The following KIF26A variants were observed in gnomAD, a reference collection of about 807,000 sequenced individuals.
The protein encoded by KIF26A is kinesin-like protein KIF26A.
A neutral mutation model predicts 126.0 loss-of-function variants in KIF26A; 74 were observed. That is an observed-to-expected ratio of 0.59 (90% CI 0.49 to 0.71). The LOEUF (loss-of-function observed/expected upper bound fraction) is 0.71. KIF26A is among the 30% of genes least tolerant of loss of function. The pLI, the probability that KIF26A is intolerant of heterozygous loss-of-function variation, is 0.00. For missense variants in KIF26A, 2,984 were observed against 2,763.3 expected (o/e 1.08, Z -1.79); for synonymous variants, 1,445 against 1,232.7 (o/e 1.17, Z -3.61).
At chr14:104,163,824 C>T (rs952659231) in intron 4 of KIF26A, among the ~76,000 whole-genome samples, 2 of 151,932 alleles carry the variant, frequency 1.3e-5, no homozygotes, top group East Asian at 2.0e-4. Flanking sequence ...TACCCAATAC[C>T]GTGCCAGCTG....
chr14:104,157,719 T>A, intron 3 of KIF26A, 36 bp from the exon 4 acceptor site: 1 of 1,593,278 alleles, frequency 6.3e-7, no homozygotes, highest in Non-Finnish European at 8.5e-7. Flanking sequence ...GTCTCTGCCC[T>A]TGCGTTCCTT....
intron 4 of KIF26A, among the ~76,000 whole-genome samples, chr14:104,159,703 A>G (rs2037815831): frequency 6.6e-6 from 1 of 152,188 alleles, no homozygotes; most frequent in Non-Finnish European, 1.5e-5. Flanking sequence ...CCTGTTAGGC[A>G]CCCTGGGTCT....
At chr14:104,162,385 G>A (rs1332741375) in intron 4 of KIF26A, among the ~76,000 whole-genome samples, 1 of 152,194 alleles carries the variant, frequency 6.6e-6, no homozygotes, top group African/African-American at 2.4e-5. Context: ...TGCCCGCTGT[G>A]GCCCAGGCAT....
intron 11 of KIF26A, 137 bp downstream of exon 11, chr14:104,174,447 T>C: frequency 1.1e-6 from 1 of 944,298 alleles, no homozygotes. Flanking sequence ...TGTTCTGATG[T>C]CATGAGGCTA....
chr14:104,157,798 G>C lies in KIF26A; in HGVS notation c.779G>C (p.Arg260Pro), dbSNP rs200552468. The C allele has an allele frequency of 3.7e-6, 6 of 1,610,154 alleles. No homozygotes were observed. The highest frequency in any genetic ancestry group is 5.1e-6 in the Non-Finnish European group (6 of 1,178,822). ...GCCGTGGCGGTGGCAGACACGGTCCGAGAATGCCCCCCCGTGGCCGGCCCT... is the reference window on the plus strand; with the variant it reads ...GCCGTGGCGGTGGCAGACACGGTCCCAGAATGCCCCCCCGTGGCCGGCCCT... ...VAAVAVADTVRECPPVAGPDG... is the reference protein window; with the variant it reads ...VAAVAVADTVPECPPVAGPDG... The change falls in exon 4 of 15, where the codon CGA becomes CCA. Residue 260 changes from arginine to proline, a missense_variant. Arg to Pro is a moderately radical substitution (Grantham distance 103). Coordinates refer to ENST00000423312, the MANE Select transcript of KIF26A (RefSeq NM_015656.2).
At chr14:104,144,921 TGGG>T (rs1249474471) in intron 2 of KIF26A, among the ~76,000 whole-genome samples, 1 of 152,182 alleles carries the variant, frequency 6.6e-6, no homozygotes, top group Non-Finnish European at 1.5e-5. Context: ...CTTGTGCTGT[TGGG>T]GGGAGTGGCT....
At chr14:104,143,553 G>T (rs889166439) in intron 2 of KIF26A, among the ~76,000 whole-genome samples, 1 of 152,220 alleles carries the variant, frequency 6.6e-6, no homozygotes, top group African/African-American at 2.4e-5. Context: ...ATGGATGGGG[G>T]CATCTCTGTC....
In KIF26A at chr14:104,157,840, C is replaced by A. The variant is rs767752640; in HGVS notation, c.821C>A (p.Ala274Asp). 6.2e-7 allele frequency: 1 copy of A among 1,609,156 alleles called. No homozygotes were observed. Among genetic ancestry groups the A allele is most frequent in the Non-Finnish European group, 8.5e-7 (1 of 1,178,040 alleles). ...PVAGPDGLSK[A>D]WGRGGVCTSA... The stretch of plus-strand genomic sequence containing the variant: ...GCCGGCCCTGATGGCTTGTCGAAGG[C>A]CTGGGGCCGTGGTGGAGTCTGCACG... Residue 274 changes from alanine (A) to aspartate (D), a missense_variant, in exon 4 of 15, where the codon GCC becomes GAC. Ala to Asp is a moderately radical substitution (Grantham distance 126, BLOSUM62 -2). Transcript: ENST00000423312.
intron 2 of KIF26A, among the ~76,000 whole-genome samples, chr14:104,143,328 T>C (rs2037653361): frequency 6.6e-6 from 1 of 152,208 alleles, no homozygotes; most frequent in African/African-American, 2.4e-5. Context: ...GTACAGGGAA[T>C]CAGTTGTCAT....
chr14:104,177,677 G>A lies in KIF26A; in HGVS notation c.4889G>A (p.Gly1630Asp), dbSNP rs1235127688. ...RRPQRYSSGHGSDNSSVLSGE... is the reference protein window; with the variant it reads ...RRPQRYSSGHDSDNSSVLSGE... Reference sequence around the variant, plus strand: ...CCCCAGCGCTACAGCAGCGGCCATGGCAGCGACAACAGCAGCGTGCTGAGT... The same window carrying A: ...CCCCAGCGCTACAGCAGCGGCCATGACAGCGACAACAGCAGCGTGCTGAGT... Residue 1630 changes from glycine (G) to aspartate (D), a missense_variant, in exon 12 of 15, where the codon GGC becomes GAC. Coordinates refer to ENST00000423312, the MANE Select transcript of KIF26A (RefSeq NM_015656.2). 1 of 1,530,472 alleles carries A rather than the reference G, an allele frequency of 6.5e-7. No homozygotes were observed. The highest frequency in any genetic ancestry group is 2.0e-5 in the Admixed American group (1 of 50,606). 94.8% of individuals were successfully genotyped at this position (1,530,472 alleles called of 1,614,324 possible). A position where few individuals can be genotyped will look rare whatever the true frequency, so the allele number is the denominator to read the frequency against.
chr14:104,142,445 C>G (rs1280263431), intron 2 of KIF26A, among the ~76,000 whole-genome samples: 2 of 152,042 alleles, frequency 1.3e-5, no homozygotes, highest in African/African-American at 4.8e-5. Flanking sequence ...GCCTGGCCTC[C>G]TGTGGCCTCC....
rs149756096 is a variant in KIF26A, at chr14:104,179,799, G to A, written c.*9G>A. On this transcript the variant is annotated 3_prime_UTR_variant, in exon 15 of 15. Transcript: ENST00000423312. ...AGGAGGTGGACGTCTGAGGCTGGGC[G>A]CCGGACAAGAGGAGGGGGCGTGCAG... is the stretch of plus-strand genomic sequence containing the variant. The A allele has an allele frequency of 4.4e-5, 67 of 1,517,566 alleles. No individual in the cohort carries two copies. Among genetic ancestry groups the A allele is most frequent in the South Asian group, 1.4e-4 (11 of 79,166 alleles). 94.0% of individuals were successfully genotyped at this position (1,517,566 alleles called of 1,614,324 possible).
rs757771739 is a variant in KIF26A, at chr14:104,177,276, T to G, written c.4488T>G (p.Gly1496=). 2 of 1,592,180 alleles carry G rather than the reference T, an allele frequency of 1.3e-6. No homozygotes were observed. The highest frequency in any genetic ancestry group is 2.3e-5 in the South Asian group (2 of 88,472). The change falls in exon 12 of 15, where the codon GGT becomes GGG. Residue 1496 remains glycine (G), a synonymous_variant. Transcript: ENST00000423312. ...KAVGAPKPPV[G]GGKGRGLVAG... ...TGGGGGCCCCCAAGCCCCCTGTTGG[T>G]GGAGGCAAGGGCCGTGGCCTAGTGG...
chr14:104,177,250 GT>G lies in KIF26A; in HGVS notation c.4463del (p.Val1488GlyfsTer16). ...CTGTAGGAGCGGCGCAGCCAAGGCT[GT>G]GGGGGCCCCCAAGCCCCCTGTTGGT... Reference protein sequence around the residue: ...PACRSGAAKAVGAPKPPVGGG... With the variant: ...PACRSGAAKAXGAPKPPVGGG... On this transcript the variant is annotated frameshift_variant, in exon 12 of 15. Coordinates refer to ENST00000423312, the MANE Select transcript of KIF26A (RefSeq NM_015656.2). LOFTEE classifies it high-confidence loss of function. 1 of 1,596,966 alleles carries G rather than the reference GT, an allele frequency of 6.3e-7. No homozygotes were observed.
Position 104,139,135 on chromosome 14 carries a change from C to A in KIF26A, c.135C>A (p.Cys45Ter). Residue 45 changes from cysteine (C) to a stop codon, truncating the protein, a stop_gained, in exon 2 of 15, where the codon TGC (cysteine) becomes TGA (stop). Coordinates refer to ENST00000423312, the MANE Select transcript of KIF26A (RefSeq NM_015656.2). LOFTEE classifies it high-confidence loss of function. ...RLPAGPDQDP[C>*]GSRPAPEGAG... ...CCGCCGGGCCCGACCAGGACCCATG[C>A]GGCAGCCGCCCTGCTCCCGAAGGCG... 6.6e-7 allele frequency: 1 copy of A among 1,510,314 alleles called. No homozygotes were observed. The highest frequency in any genetic ancestry group is 8.9e-7 in the Non-Finnish European group (1 of 1,129,914). 93.6% of individuals were successfully genotyped at this position (1,510,314 alleles called of 1,614,324 possible).
In KIF26A at chr14:104,145,095, C is replaced by T. The variant is rs35439917; in HGVS notation, c.288+5807C>T. On this transcript the variant is annotated intron_variant, in intron 2 of 14. Coordinates refer to ENST00000423312, the MANE Select transcript of KIF26A (RefSeq NM_015656.2). ...AACACTGTGCTTGGTGAGACTTTCT[C>T]AGGGCAGGCTCTGGAGGCTGCCACC... Among the ~76,000 whole-genome samples, 414 of 152,378 alleles carry T rather than the reference C, an allele frequency of 2.7e-3. 1 individual carries two copies. The highest frequency in any genetic ancestry group is 5.2e-3 in the Non-Finnish European group (351 of 68,044).
In KIF26A at chr14:104,174,978, C is replaced by G; in HGVS notation, c.2194-4C>G. The G allele has an allele frequency of 6.5e-7, 1 of 1,529,102 alleles. No homozygotes were observed. The highest frequency in any genetic ancestry group is 1.2e-5 in the South Asian group (1 of 82,544). 94.7% of individuals were successfully genotyped at this position (1,529,102 alleles called of 1,614,324 possible). On this transcript the variant is annotated splice_region_variant and splice_polypyrimidine_tract_variant and intron_variant, in intron 11 of 14. Coordinates refer to ENST00000423312, the MANE Select transcript of KIF26A (RefSeq NM_015656.2). ...GCTCGGCAGCTCCACTTTTCTTCCCCCAGTACGCCTCCAGCTCCTCTGGCG... is the reference window on the plus strand; with the variant it reads ...GCTCGGCAGCTCCACTTTTCTTCCCGCAGTACGCCTCCAGCTCCTCTGGCG...
At position 104,152,529 on chromosome 14, in the gene KIF26A, C is replaced by G; in HGVS notation, c.735+68C>G. The G allele has an allele frequency of 7.0e-7, 1 of 1,429,640 alleles. No individual in the cohort carries two copies. The highest frequency in any genetic ancestry group is 1.4e-5 in the African/African-American group (1 of 69,770). The allele number at this position is 1,429,640 out of a possible 1,614,324, so 88.6% of individuals were successfully genotyped here. ...TCAGAACTGGGCTTCCTTCGGGGGT[C>G]TCTGTCCACGTTGAGTGCCCTGCAG... is the stretch of plus-strand genomic sequence containing the variant. On this transcript the variant is annotated intron_variant, in intron 3 of 14. Coordinates refer to ENST00000423312, the MANE Select transcript of KIF26A (RefSeq NM_015656.2). The surrounding 1 kb of genome is among the most constrained non-coding windows in gnomAD (Gnocchi z 5.9).
chr14:104,155,574 C>T (rs1479340293), intron 3 of KIF26A, among the ~76,000 whole-genome samples: 2 of 151,654 alleles, frequency 1.3e-5, no homozygotes, highest in African/African-American at 4.8e-5. Context: ...GGTCTTCCCT[C>T]TCGCCGTCCT....
Sources: gnomAD v4.1 joint callset for allele counts (sites outside exome capture counted in the v4.1 genomes callset) on GRCh38, gnomAD v4.1.1 for gene constraint, Gnocchi (gnomAD v3.1) non-coding constraint, MANE v1.5 for transcripts, NCBI Gene and HGNC (gene_info 2026-07-23, HGNC 2026-07-21) for gene names.